SLC9A9: variants seen among roughly 807,000 people sequenced by gnomAD.
The protein encoded by SLC9A9 is solute carrier family 9 member A9, also known as sodium/hydrogen exchanger 9.
Under a neutral mutation model 77.8 loss-of-function variants are expected in SLC9A9, and 62 were observed. The observed-to-expected ratio is 0.80, with a 90% CI of 0.65 to 0.98. The LOEUF is 0.98. Among genes scored for constraint, SLC9A9 ranks in the 50% least tolerant of loss-of-function variants. SLC9A9 has a pLI of 0.00. For synonymous variants in SLC9A9, 320 were observed against 283.5 expected (o/e 1.13, Z -1.29); for missense variants, 775 against 774.9 (o/e 1.00, Z 0.00).
intron 4 of SLC9A9, among the ~76,000 whole-genome samples, chr3:143,723,606 A>G (rs1391317812): frequency 6.6e-6 from 1 of 152,266 alleles, no homozygotes; most frequent in African/African-American, 2.4e-5. Flanking sequence ...CAGCACCGTC[A>G]GAGCACTGAT....
At position 143,272,678 on chromosome 3, in the gene SLC9A9, T is replaced by C. The variant is rs907113398; in HGVS notation, c.1605-3698A>G. ...AAAGGTAAGAAAACTCTTCTATCTATTAAAAAAAACCCAACGGCAGATTTT... is the reference window on the plus strand; with the variant it reads ...AAAGGTAAGAAAACTCTTCTATCTACTAAAAAAAACCCAACGGCAGATTTT... On this transcript the variant is annotated intron_variant, in intron 14 of 15. Transcript: ENST00000316549. Among the ~76,000 whole-genome samples the C allele has an allele frequency of 2.0e-5, 3 of 152,290 alleles. No individual in the cohort carries two copies. In the Middle Eastern group the frequency reaches 0.01, roughly 518 times the overall value.
intron 11 of SLC9A9, among the ~76,000 whole-genome samples, chr3:143,475,748 C>A (rs923549123): frequency 3.4e-5 from 5 of 149,248 alleles, no homozygotes; most frequent in African/African-American, 4.9e-5. Context: ...GCTGAGGTTG[C>A]GCCACTGCAC....
At chr3:143,817,118 T>C (rs1379593676) in intron 2 of SLC9A9, among the ~76,000 whole-genome samples, 1 of 151,010 alleles carries the variant, frequency 6.6e-6, no homozygotes, top group East Asian at 2.0e-4. Flanking sequence ...TGGTGTCTTT[T>C]TCATGCAAAA....
chr3:143,829,604 A>G (rs1165636157), intron 2 of SLC9A9, among the ~76,000 whole-genome samples: 1 of 152,230 alleles, frequency 6.6e-6, no homozygotes, highest in Non-Finnish European at 1.5e-5. Flanking sequence ...ACAAGTATCC[A>G]TTATACGTTG....
chr3:143,571,381 C>G (rs1372283947), intron 8 of SLC9A9, among the ~76,000 whole-genome samples: 1 of 152,074 alleles, frequency 6.6e-6, no homozygotes, highest in Non-Finnish European at 1.5e-5. Flanking sequence ...TGCATTAGAA[C>G]TAAAATGATT....
chr3:143,449,775 AT>A (rs1474124329), intron 12 of SLC9A9, among the ~76,000 whole-genome samples: 5 of 87,536 alleles, frequency 5.7e-5, no homozygotes, highest in African/African-American at 1.9e-4. Flanking sequence ...ATAATTATAT[AT>A]ATTTATATAT....
chr3:143,454,074 T>C (rs140443763), intron 12 of SLC9A9, among the ~76,000 whole-genome samples: 107 of 152,284 alleles, frequency 7.0e-4, no homozygotes, highest in African/African-American at 2.5e-3. Flanking sequence ...GCTGGCACCT[T>C]TATCTTGGAC....
At chr3:143,534,522 T>C (rs547448865) in intron 9 of SLC9A9, among the ~76,000 whole-genome samples, 18 of 152,312 alleles carry the variant, frequency 1.2e-4, no homozygotes, top group Admixed American at 7.2e-4. Context: ...GCAATGATGC[T>C]GCTTGGATAC....
intron 6 of SLC9A9, among the ~76,000 whole-genome samples, chr3:143,626,615 G>A (rs1401395968): frequency 2.0e-5 from 3 of 151,678 alleles, no homozygotes; most frequent in Non-Finnish European, 4.4e-5. Context: ...GGGGCTTGTT[G>A]TGGGGTGGGG....
chr3:143,786,056 C>G (rs1415234083), intron 4 of SLC9A9, among the ~76,000 whole-genome samples: 1 of 151,562 alleles, frequency 6.6e-6, no homozygotes, highest in Non-Finnish European at 1.5e-5. Flanking sequence ...GGGGTTTCAC[C>G]GTGTTAGCCA....
At chr3:143,783,354 C>A (rs890565401) in intron 4 of SLC9A9, among the ~76,000 whole-genome samples, 2 of 152,074 alleles carry the variant, frequency 1.3e-5, no homozygotes, top group African/African-American at 4.8e-5. Context: ...CTTGCCTTCC[C>A]TCTGCCTGGA....
At chr3:143,349,763 C>T (rs998939765) in intron 14 of SLC9A9, among the ~76,000 whole-genome samples, 17 of 152,120 alleles carry the variant, frequency 1.1e-4, no homozygotes, top group Admixed American at 2.6e-4. Context: ...GTTAACCTGG[C>T]GGTTAACTTA....
Position 143,649,603 on chromosome 3 carries a change from T to C in SLC9A9, c.755+2652A>G, listed in dbSNP as rs2069163. ...AAAGAAAAGCTGCTTTAATCTAAAA[T>C]GTGGCTAAATACTAGAGCACAGTAT... On this transcript the variant is annotated intron_variant, in intron 6 of 15. Transcript: ENST00000316549. 8.8e-3 allele frequency among the ~76,000 whole-genome samples: 1,337 copies of C among 152,290 alleles called. 29 individuals are homozygous for C. The highest frequency in any genetic ancestry group is 0.031 in the African/African-American group (1,284 of 41,550).
At chr3:143,366,296 A>G (rs1412413212) in intron 13 of SLC9A9, among the ~76,000 whole-genome samples, 2 of 152,188 alleles carry the variant, frequency 1.3e-5, no homozygotes, top group South Asian at 2.1e-4. Flanking sequence ...TTCTCACTCT[A>G]TCAAGGTAGG....
chr3:143,459,201 G>A (rs2035147092), intron 12 of SLC9A9, among the ~76,000 whole-genome samples: 1 of 150,772 alleles, frequency 6.6e-6, no homozygotes, highest in Non-Finnish European at 1.5e-5. Flanking sequence ...TTAAAGTCTT[G>A]ATTCATTAAT....
chr3:143,664,675 G>A (rs2039034079), intron 5 of SLC9A9, among the ~76,000 whole-genome samples: 1 of 152,084 alleles, frequency 6.6e-6, no homozygotes, highest in Non-Finnish European at 1.5e-5. Flanking sequence ...ACAAAGCAGG[G>A]GTTGCAATCC....
intron 14 of SLC9A9, among the ~76,000 whole-genome samples, chr3:143,311,064 C>T (rs372468159): frequency 4.1e-4 from 63 of 152,276 alleles, no homozygotes; most frequent in Middle Eastern, 3.4e-3. Flanking sequence ...TTCCCATCCA[C>T]GTCAACCAAG....
At chr3:143,795,706 G>C (rs1160675439) in intron 3 of SLC9A9, among the ~76,000 whole-genome samples, 1 of 152,140 alleles carries the variant, frequency 6.6e-6, no homozygotes, top group Non-Finnish European at 1.5e-5. Context: ...TGCAGCCTGG[G>C]CAAAAGAGGG....
chr3:143,542,135 T>A (rs1234743736), intron 9 of SLC9A9, among the ~76,000 whole-genome samples: 1 of 152,218 alleles, frequency 6.6e-6, no homozygotes, highest in East Asian at 1.9e-4. Context: ...TCCACTATCA[T>A]TAGCATTTAA....
Sources: allele counts gnomAD v4.1 joint callset (sites outside exome capture counted in the v4.1 genomes callset), GRCh38; gene constraint gnomAD v4.1.1; transcripts MANE v1.5; gene names NCBI Gene and HGNC (gene_info 2026-07-23, HGNC 2026-07-21).